The following LINGO2 variants were observed in gnomAD, a reference collection of about 807,000 sequenced individuals.
LINGO2 encodes leucine-rich repeat and immunoglobulin-like domain-containing nogo receptor-interacting protein 2.
LINGO2 carries 14 observed loss-of-function variants against 30.6 expected under a neutral mutation model. That is an observed-to-expected ratio of 0.46 (90% CI 0.30 to 0.72). LINGO2 has a LOEUF of 0.72. Ranked by LOEUF, LINGO2 falls within the 30% of genes least tolerant of loss-of-function variation. LINGO2 has a pLI of 0.07. For missense variants in LINGO2, 729 were observed against 751.7 expected, an observed-to-expected ratio of 0.97 and a Z score of 0.35; for synonymous variants, 317 against 288.5, an observed-to-expected ratio of 1.10 and a Z score of -1.00.
chr9:28,195,137 T>C (rs1819964406), intron 4 of LINGO2, among the ~76,000 whole-genome samples: 1 of 151,916 alleles, frequency 6.6e-6, no homozygotes, highest in Non-Finnish European at 1.5e-5. Context: ...GAACAAAATA[T>C]AAGTCAAAGC....
the LINGO2 span, among the ~76,000 whole-genome samples, chr9:28,963,372 G>C: frequency 2.0e-5 from 3 of 151,894 alleles, no homozygotes; most frequent in Admixed American, 6.6e-5. Context: ...TTCCTATCAT[G>C]TGATCAAGCA....
the LINGO2 span, among the ~76,000 whole-genome samples, chr9:29,043,680 G>C: frequency 6.6e-6 from 1 of 152,006 alleles, no homozygotes; most frequent in Non-Finnish European, 1.5e-5. Flanking sequence ...CTACATGGTA[G>C]TTGTAAGAAT....
chr9:28,497,345 G>C (rs1301272101), intron 1 of LINGO2, among the ~76,000 whole-genome samples: 1 of 152,086 alleles, frequency 6.6e-6, no homozygotes, highest in Non-Finnish European at 1.5e-5. Context: ...TTTCTTGGAG[G>C]CTTTGTTCAT....
intron 1 of LINGO2, among the ~76,000 whole-genome samples, chr9:28,519,183 C>T (rs77418379): frequency 0.013 from 1,912 of 151,990 alleles, 14 homozygotes; most frequent in Non-Finnish European, 0.018. Flanking sequence ...AGGTGTGTGC[C>T]ACTACGTCCA....
At chr9:28,873,953 CA>C in the LINGO2 span, among the ~76,000 whole-genome samples, 1 of 151,844 alleles carries the variant, frequency 6.6e-6, no homozygotes, top group African/African-American at 2.4e-5. Flanking sequence ...AAAATACAAA[CA>C]TTTTAGGAAT....
intron 1 of LINGO2, among the ~76,000 whole-genome samples, chr9:28,581,012 G>C (rs1330032730): frequency 6.6e-6 from 1 of 151,918 alleles, no homozygotes; most frequent in Admixed American, 6.6e-5. Context: ...CATAGGGAGA[G>C]AAACGACAGT....
chr9:28,338,132 C>T (rs1825649437), intron 3 of LINGO2, among the ~76,000 whole-genome samples: 1 of 152,170 alleles, frequency 6.6e-6, no homozygotes, highest in South Asian at 2.1e-4. Context: ...TGCCCAAGGC[C>T]ATGGGCACCT....
chr9:28,441,815 A>G (rs1824208714), intron 2 of LINGO2, among the ~76,000 whole-genome samples: 1 of 152,140 alleles, frequency 6.6e-6, no homozygotes, highest in African/African-American at 2.4e-5. Flanking sequence ...CTTGAGATTT[A>G]TTGCAAACAA....
the LINGO2 span, among the ~76,000 whole-genome samples, chr9:28,857,003 T>A: frequency 6.6e-6 from 1 of 152,026 alleles, no homozygotes; most frequent in Admixed American, 6.6e-5. Context: ...TCAGAGAAAA[T>A]GCATAATCAC....
the LINGO2 span, among the ~76,000 whole-genome samples, chr9:28,751,211 A>G: frequency 6.9e-6 from 1 of 144,002 alleles, no homozygotes; most frequent in African/African-American, 2.5e-5. Flanking sequence ...GGATCATTTC[A>G]GCCCAGGAGT....
intron 4 of LINGO2, among the ~76,000 whole-genome samples, chr9:28,174,340 G>C (rs555406564): frequency 1.3e-5 from 2 of 152,222 alleles, no homozygotes; most frequent in African/African-American, 4.8e-5. Context: ...TCAGAACACT[G>C]CTATGTAAAA....
chr9:28,447,020 T>G (rs1168937809), intron 2 of LINGO2, among the ~76,000 whole-genome samples: 1 of 152,142 alleles, frequency 6.6e-6, no homozygotes. Flanking sequence ...GCCCTCCCCC[T>G]CAGTGCCCAA....
chr9:28,923,758 G>A, the LINGO2 span, among the ~76,000 whole-genome samples: 3 of 152,196 alleles, frequency 2.0e-5, no homozygotes, highest in Non-Finnish European at 2.9e-5. Context: ...AAAGCAACCA[G>A]AGAACTTCTG....
chr9:28,672,953 G>A (rs557736882), upstream of LINGO2, among the ~76,000 whole-genome samples: 6 of 152,214 alleles, frequency 3.9e-5, no homozygotes, highest in East Asian at 1.2e-3. Flanking sequence ...GAAGTAAAGA[G>A]TATGAATGCA....
the LINGO2 span, among the ~76,000 whole-genome samples, chr9:29,176,683 G>T: frequency 8.5e-5 from 13 of 152,182 alleles, no homozygotes; most frequent in African/African-American, 2.9e-4. Flanking sequence ...TAATTTGTTT[G>T]TAAGAATTTC....
chr9:28,352,360 GACAA>G (rs1182733107), intron 3 of LINGO2, among the ~76,000 whole-genome samples: 20 of 77,128 alleles, frequency 2.6e-4, no homozygotes, highest in African/African-American at 1.0e-3. Flanking sequence ...ACCAACAACA[GACAA>G]ACAGAGAGCC....
chr9:28,443,091 T>C (rs1169383380), intron 2 of LINGO2, among the ~76,000 whole-genome samples: 1 of 152,156 alleles, frequency 6.6e-6, no homozygotes, highest in Non-Finnish European at 1.5e-5. Context: ...GGCATGTGCA[T>C]GAGTAGAAGA....
intron 5 of LINGO2, among the ~76,000 whole-genome samples, chr9:27,984,394 T>A (rs577682967): frequency 2.0e-5 from 3 of 152,002 alleles, no homozygotes; most frequent in African/African-American, 7.2e-5. Context: ...GGTTGAAATC[T>A]AGTGATGAAA....
chr9:28,092,922 G>A (rs558384172), intron 4 of LINGO2, among the ~76,000 whole-genome samples: 19 of 152,048 alleles, frequency 1.2e-4, no homozygotes, highest in African/African-American at 4.6e-4. Flanking sequence ...TGCTTTCTAT[G>A]CATCATGGCT....
Sources: allele counts gnomAD v4.1 joint callset (sites outside exome capture counted in the v4.1 genomes callset), GRCh38; gene constraint gnomAD v4.1.1; transcripts MANE v1.5; gene names NCBI Gene and HGNC (gene_info 2026-07-23, HGNC 2026-07-21).